The following TENM4 variants were observed in gnomAD, a reference collection of about 807,000 sequenced individuals.
The protein encoded by TENM4 is teneurin-4.
TENM4 carries 82 observed loss-of-function variants against 243.3 expected under a neutral mutation model. The observed-to-expected ratio is 0.34, with a 90% confidence interval of 0.28 to 0.40. The LOEUF (loss-of-function observed/expected upper bound fraction) is 0.40. Among genes scored for constraint, TENM4 ranks in the 10% least tolerant of loss-of-function variants. The pLI, the probability that TENM4 is intolerant of heterozygous loss-of-function variation, is 1.00. For missense variants in TENM4, 3,138 were observed against 3,673.3 expected (o/e 0.85, Z 3.77); for synonymous variants, 1,412 against 1,456.3 (o/e 0.97, Z 0.69).
chr11:78,998,657 A>T (rs1055236070), intron 6 of TENM4, among the ~76,000 whole-genome samples: 1 of 151,950 alleles, frequency 6.6e-6, no homozygotes, highest in Non-Finnish European at 1.5e-5. Context: ...CAGTTCTGCC[A>T]GGGTGAAGTT....
At chr11:78,938,675 C>T (rs1293859715) in intron 6 of TENM4, among the ~76,000 whole-genome samples, 4 of 152,180 alleles carry the variant, frequency 2.6e-5, no homozygotes, top group Middle Eastern at 3.4e-3. Flanking sequence ...TTATTCTGCT[C>T]GTCTCATTTG....
At chr11:79,416,138 C>T (rs187328383) in intron 1 of TENM4, among the ~76,000 whole-genome samples, 2 of 152,298 alleles carry the variant, frequency 1.3e-5, no homozygotes, top group East Asian at 3.9e-4. Flanking sequence ...ATCCATTCAC[C>T]TGTTGATGGA....
chr11:79,066,565 C>T (rs910809436), intron 5 of TENM4, among the ~76,000 whole-genome samples: 116 of 152,302 alleles, frequency 7.6e-4, no homozygotes, highest in African/African-American at 2.7e-3. Flanking sequence ...CACACACAGA[C>T]GTGCACGCGC....
chr11:78,670,051 G>C lies in TENM4; in HGVS notation c.6294C>G (p.Ile2098Met). The C allele has an allele frequency of 6.2e-7, 1 of 1,613,950 alleles. No individual in the cohort carries two copies. The highest frequency in any genetic ancestry group is 8.5e-7 in the Non-Finnish European group (1 of 1,179,886). Residue 2098 changes from isoleucine to methionine, a missense_variant, in exon 32 of 34, where the codon ATC (isoleucine) becomes ATG (methionine). Ile to Met is a conservative substitution (Grantham distance 10, BLOSUM62 1). This residue lies in a region of TENM4 where 2,467 missense variants were observed against 3,059.1 expected (regional missense o/e 0.81). Coordinates refer to ENST00000278550, the MANE Select transcript of TENM4 (RefSeq NM_001098816.3). ...GATCAATGGGCAGTGGGGTCTCGTT[G>C]ATCACAGCCTGCATGCTGGTCACCC... is the stretch of plus-strand genomic sequence containing the variant. Reference protein sequence around the residue: ...SFRVTSMQAVINETPLPIDLY... With the variant: ...SFRVTSMQAVMNETPLPIDLY...
intron 1 of TENM4, among the ~76,000 whole-genome samples, chr11:79,409,469 C>A (rs1217285284): frequency 6.6e-6 from 1 of 152,112 alleles, no homozygotes; most frequent in African/African-American, 2.4e-5. Context: ...CGGCAGGAAT[C>A]CAGCGTGGCT....
intron 4 of TENM4, among the ~76,000 whole-genome samples, chr11:79,073,650 C>G (rs4944219): frequency 6.6e-6 from 1 of 152,100 alleles, no homozygotes; most frequent in Non-Finnish European, 1.5e-5. Flanking sequence ...CCCAGGCTTG[C>G]GGTATGCATC....
chr11:78,800,643 T>A (rs1368481227), intron 15 of TENM4, among the ~76,000 whole-genome samples: 1 of 152,188 alleles, frequency 6.6e-6, no homozygotes, highest in South Asian at 2.1e-4. Context: ...ATTCACTGGT[T>A]AAGTCATTCA....
At chr11:78,895,337 CAAAA>C (rs35367511) in intron 7 of TENM4, among the ~76,000 whole-genome samples, 3 of 136,704 alleles carry the variant, frequency 2.2e-5, no homozygotes, top group Admixed American at 7.1e-5. Flanking sequence ...ACTCCGTCTC[CAAAA>C]AAAAAAAAAA....
intron 3 of TENM4, among the ~76,000 whole-genome samples, chr11:79,179,624 A>T (rs149997546): frequency 3.8e-4 from 57 of 151,994 alleles, no homozygotes; most frequent in African/African-American, 1.3e-3. Flanking sequence ...ATATGGATTG[A>T]GAATGAGTCA....
rs143547945 is a variant in TENM4 at position 79,120,784 on chromosome 11, C to G, written c.-66+27926G>C. Among the ~76,000 whole-genome samples the G allele has an allele frequency of 4.7e-4, 71 of 152,334 alleles. 3 individuals carry two copies. In the East Asian group the frequency reaches 0.013, roughly 29 times the overall value. On this transcript the variant is annotated intron_variant, in intron 4 of 33. Coordinates refer to ENST00000278550, the MANE Select transcript of TENM4 (RefSeq NM_001098816.3). Reference sequence around the variant, plus strand: ...ATGGTTTCATGAATGGAGATGATCACAACCAAAACCACTACCATAATAACT... The same window carrying G: ...ATGGTTTCATGAATGGAGATGATCAGAACCAAAACCACTACCATAATAACT...
chr11:79,165,835 C>A (rs1862899627), intron 3 of TENM4, among the ~76,000 whole-genome samples: 1 of 152,086 alleles, frequency 6.6e-6, no homozygotes, highest in South Asian at 2.1e-4. Flanking sequence ...AGATGAGGAT[C>A]CAGTTTCATT....
intron 20 of TENM4, among the ~76,000 whole-genome samples, chr11:78,734,855 TA>T (rs2135889154): frequency 6.6e-6 from 1 of 152,346 alleles, no homozygotes; most frequent in Non-Finnish European, 1.5e-5. Context: ...GTTGATGGAA[TA>T]AATGCATGAG....
intron 1 of TENM4, among the ~76,000 whole-genome samples, chr11:79,373,680 TA>T (rs1176580976): frequency 1.3e-5 from 2 of 152,198 alleles, no homozygotes; most frequent in Non-Finnish European, 2.9e-5. Flanking sequence ...ATTATCATTT[TA>T]AAAAATGAAA....
At chr11:79,306,655 C>T (rs1565292036) in intron 1 of TENM4, among the ~76,000 whole-genome samples, 1 of 152,192 alleles carries the variant, frequency 6.6e-6, no homozygotes, top group South Asian at 2.1e-4. Flanking sequence ...TGGTAGTGTG[C>T]ATTATATGAA....
intron 12 of TENM4, among the ~76,000 whole-genome samples, chr11:78,844,939 C>T (rs933089605): frequency 6.6e-6 from 1 of 152,160 alleles, no homozygotes; most frequent in Admixed American, 6.5e-5. Flanking sequence ...TTGTATTTTT[C>T]TTTCTGGATT....
At chr11:78,896,703 T>C (rs1855807501) in intron 7 of TENM4, among the ~76,000 whole-genome samples, 1 of 152,132 alleles carries the variant, frequency 6.6e-6, no homozygotes, top group Non-Finnish European at 1.5e-5. Context: ...TACCAATTTA[T>C]GCCTGGAGAA....
chr11:78,789,850 TACGG>T (rs1384198139), intron 15 of TENM4, among the ~76,000 whole-genome samples: 2 of 152,158 alleles, frequency 1.3e-5, no homozygotes, highest in Non-Finnish European at 2.9e-5. Context: ...CTGGAGACAG[TACGG>T]ACAAAAGACA....
chr11:78,830,101 G>A, intron 12 of TENM4, among the ~76,000 whole-genome samples: 1 of 152,166 alleles, frequency 6.6e-6, no homozygotes, highest in South Asian at 2.1e-4. Flanking sequence ...CTTCCTTTTG[G>A]CTCATACCTC....
At chr11:79,321,664 A>G (rs1318304) in intron 1 of TENM4, among the ~76,000 whole-genome samples, 18,341 of 126,226 alleles carry the variant, frequency 0.15, 1,286 homozygotes, top group African/African-American at 0.19. Flanking sequence ...AAAAAAAAAA[A>G]GGGAGAGAGA....
Sources: allele counts gnomAD v4.1 joint callset (sites outside exome capture counted in the v4.1 genomes callset), GRCh38; gene constraint gnomAD v4.1.1; regional missense constraint gnomAD v4.1.1; transcripts MANE v1.5; gene names NCBI Gene and HGNC (gene_info 2026-07-23, HGNC 2026-07-21).